ZFAND3: variants seen among roughly 807,000 people sequenced by gnomAD.
ZFAND3 encodes AN1-type zinc finger protein 3.
A neutral mutation model predicts 29.6 loss-of-function variants in ZFAND3; 10 were observed. That is an observed-to-expected ratio of 0.34 (90% CI 0.21 to 0.57). The LOEUF is 0.57. Among genes scored for constraint, ZFAND3 ranks in the 20% least tolerant of loss-of-function variants. ZFAND3 has a pLI of 0.86. For synonymous variants in ZFAND3, 128 were observed against 112.6 expected, an observed-to-expected ratio of 1.14 and a Z score of -0.87; for missense variants, 230 against 304.5, an observed-to-expected ratio of 0.76 and a Z score of 1.82.
intron 2 of ZFAND3, among the ~76,000 whole-genome samples, chr6:37,965,878 T>C (rs1289453000): frequency 6.6e-6 from 1 of 152,154 alleles, no homozygotes; most frequent in Non-Finnish European, 1.5e-5. Context: ...CCTTCCCACC[T>C]CAGCCTCCTG....
intron 1 of ZFAND3, among the ~76,000 whole-genome samples, chr6:37,842,012 G>A (rs569977494): frequency 1.3e-5 from 2 of 152,166 alleles, no homozygotes; most frequent in East Asian, 1.9e-4. Flanking sequence ...CCTTATAGGC[G>A]GCACCTTGTT....
At chr6:37,984,655 T>C (rs1446679472) in intron 2 of ZFAND3, among the ~76,000 whole-genome samples, 1 of 152,254 alleles carries the variant, frequency 6.6e-6, no homozygotes, top group African/African-American at 2.4e-5. Flanking sequence ...TTAAAAGTGA[T>C]TTATTTAAAA....
rs1377861886 is a variant in ZFAND3 at position 37,840,657 on chromosome 6, T to A, written c.71+20641T>A. Among the ~76,000 whole-genome samples the A allele has an allele frequency of 2.6e-5, 4 of 152,366 alleles. No individual in the cohort carries two copies. The South Asian group carries it at 8.3e-4, about 32-fold the overall frequency. ...GTAGGGGTTGCATTGCATCTCCAGA[T>A]GAATTTGGGGAATGTCTCCATATTA... On this transcript the variant is annotated intron_variant, in intron 1 of 5. Coordinates refer to ENST00000287218, the MANE Select transcript of ZFAND3 (RefSeq NM_021943.3).
chr6:37,820,441 C>T (rs980570511), intron 1 of ZFAND3, among the ~76,000 whole-genome samples: 2 of 152,170 alleles, frequency 1.3e-5, no homozygotes, highest in Middle Eastern at 3.2e-3. Flanking sequence ...TTTCCTCTGA[C>T]TTCTTCACCT....
At chr6:37,989,595 T>TTG (rs1762725975) in intron 2 of ZFAND3, among the ~76,000 whole-genome samples, 1 of 152,108 alleles carries the variant, frequency 6.6e-6, no homozygotes, top group Admixed American at 6.6e-5. Context: ...CATACGAATT[T>TTG]TGGGGGGACA....
At chr6:38,100,114 A>C (rs1479784683) in intron 4 of ZFAND3, among the ~76,000 whole-genome samples, 1 of 150,668 alleles carries the variant, frequency 6.6e-6, no homozygotes, top group Non-Finnish European at 1.5e-5. Context: ...ACCAGGCTGG[A>C]GTGTAGTGGC....
intron 1 of ZFAND3, among the ~76,000 whole-genome samples, chr6:37,836,587 G>C (rs543525765): frequency 1.2e-4 from 18 of 152,276 alleles, no homozygotes; most frequent in African/African-American, 4.3e-4. Context: ...AGTCATGTTA[G>C]TGCCTCTCAG....
intron 2 of ZFAND3, among the ~76,000 whole-genome samples, chr6:37,988,701 G>GT (rs1169175423): frequency 6.6e-6 from 1 of 152,074 alleles, no homozygotes; most frequent in Non-Finnish European, 1.5e-5. Flanking sequence ...GGTTCCTCTT[G>GT]TTCCTGTTGG....
chr6:37,915,628 T>C (rs981042633), intron 1 of ZFAND3: 2 of 152,252 alleles, frequency 1.3e-5, no homozygotes, highest in Non-Finnish European at 2.9e-5. Flanking sequence ...TGAAGTTTGC[T>C]ACCTTGGGCT....
intron 2 of ZFAND3, among the ~76,000 whole-genome samples, chr6:37,994,456 A>G (rs1485829354): frequency 6.6e-6 from 1 of 152,172 alleles, no homozygotes; most frequent in Non-Finnish European, 1.5e-5. Context: ...AAGCTCAGAC[A>G]TTACTTTTCT....
intron 2 of ZFAND3, among the ~76,000 whole-genome samples, chr6:37,972,304 A>G (rs760590034): frequency 3.3e-5 from 5 of 152,264 alleles, no homozygotes; most frequent in Non-Finnish European, 5.9e-5. Context: ...CTCTAAGAGC[A>G]TTAATTCACC....
intron 1 of ZFAND3, among the ~76,000 whole-genome samples, chr6:37,844,442 C>T (rs1006153232): frequency 4.0e-5 from 6 of 151,836 alleles, no homozygotes; most frequent in African/African-American, 7.3e-5. Context: ...CCACCACACC[C>T]GGCTAATTTT....
chr6:38,049,030 T>TCGTG (rs1763966544), intron 2 of ZFAND3, among the ~76,000 whole-genome samples: 3 of 152,172 alleles, frequency 2.0e-5, no homozygotes, highest in Non-Finnish European at 4.4e-5. Flanking sequence ...ACATTTGAAA[T>TCGTG]CACATGCCTT....
chr6:37,948,731 T>C (rs1193170356), intron 2 of ZFAND3, among the ~76,000 whole-genome samples: 1 of 152,244 alleles, frequency 6.6e-6, no homozygotes, highest in Non-Finnish European at 1.5e-5. Flanking sequence ...TTCCTGTATG[T>C]GTTTGCTAAG....
At chr6:37,976,032 T>C (rs1269916834) in intron 2 of ZFAND3, among the ~76,000 whole-genome samples, 1 of 152,190 alleles carries the variant, frequency 6.6e-6, no homozygotes, top group African/African-American at 2.4e-5. Context: ...CTTTAGGCCT[T>C]CTTTAATTTC....
chr6:38,134,851 A>G (rs1765810672), intron 5 of ZFAND3, among the ~76,000 whole-genome samples: 1 of 152,212 alleles, frequency 6.6e-6, no homozygotes, highest in African/African-American at 2.4e-5. Flanking sequence ...GTGCCAGCAT[A>G]AACTCTAATG....
At chr6:37,992,682 A>T (rs1337014671) in intron 2 of ZFAND3, among the ~76,000 whole-genome samples, 1 of 152,192 alleles carries the variant, frequency 6.6e-6, no homozygotes, top group Non-Finnish European at 1.5e-5. Context: ...TTGAATATAC[A>T]GCCCCATTCA....
At chr6:38,066,123 C>A (rs530690073) in intron 3 of ZFAND3, among the ~76,000 whole-genome samples, 1 of 152,262 alleles carries the variant, frequency 6.6e-6, no homozygotes, top group African/African-American at 2.4e-5. Context: ...TGCTCCCTCA[C>A]CTAGGTTGAA....
intron 2 of ZFAND3, among the ~76,000 whole-genome samples, chr6:37,968,512 TG>T: frequency 6.6e-6 from 1 of 152,014 alleles, no homozygotes; most frequent in Non-Finnish European, 1.5e-5. Context: ...TGGTGTGTGC[TG>T]CTCCATGGGG....
Sources: allele counts gnomAD v4.1 joint callset (sites outside exome capture counted in the v4.1 genomes callset), GRCh38; gene constraint gnomAD v4.1.1; transcripts MANE v1.5; gene names NCBI Gene and HGNC (gene_info 2026-07-23, HGNC 2026-07-21).